The following PAFAH1B1 variants were observed in gnomAD, a reference collection of about 807,000 sequenced individuals.
The protein encoded by PAFAH1B1 is platelet-activating factor acetylhydrolase IB subunit beta.
PAFAH1B1 carries 2 observed loss-of-function variants against 57.5 expected under a neutral mutation model. The ratio of observed to expected loss-of-function variants is 0.03; its 90% CI spans 0.01 to 0.11. The LOEUF is 0.11. PAFAH1B1 is among the 10% of genes least tolerant of loss of function. The pLI is 1.00. For synonymous variants in PAFAH1B1, 152 were observed against 169.6 expected (o/e 0.90, Z 0.81); for missense variants, 257 against 512.0 (o/e 0.50, Z 4.81).
At chr17:2,662,423 T>TGA (rs1555525912) in intron 2 of PAFAH1B1, among the ~76,000 whole-genome samples, 50 of 144,076 alleles carry the variant, frequency 3.5e-4, no homozygotes, top group African/African-American at 1.1e-3. Flanking sequence ...TGTGTGTGTG[T>TGA]GACGGAGTTT....
chr17:2,640,595 G>C (rs1042782310), intron 2 of PAFAH1B1: 22 of 151,378 alleles, frequency 1.5e-4, no homozygotes, highest in African/African-American at 5.3e-4. Flanking sequence ...GGAATTACAG[G>C]CGCACACCAC....
chr17:2,651,527 GT>G (rs764660465), intron 2 of PAFAH1B1, among the ~76,000 whole-genome samples: 2 of 151,376 alleles, frequency 1.3e-5, no homozygotes, highest in Non-Finnish European at 2.9e-5. Context: ...AGAGGCTGCA[GT>G]GAGCCGAGCT....
chr17:2,658,520 T>G (rs1261943711), intron 2 of PAFAH1B1, among the ~76,000 whole-genome samples: 1 of 152,200 alleles, frequency 6.6e-6, no homozygotes, highest in African/African-American at 2.4e-5. Context: ...CATTTTTGGC[T>G]TTTGTTGCAA....
intron 4 of PAFAH1B1, 28 bp from the exon 5 acceptor site, chr17:2,666,963 CT>C (rs763540426): frequency 1.3e-6 from 2 of 1,512,254 alleles, no homozygotes; most frequent in South Asian, 2.3e-5. Flanking sequence ...TGAAATCTAT[CT>C]GTACGTAACT....
Position 2,648,586 on chromosome 17 carries a change from G to A in PAFAH1B1, c.32+10266G>A, listed in dbSNP as rs1157127198. Among the ~76,000 whole-genome samples, 5 of 151,652 alleles carry A rather than the reference G, an allele frequency of 3.3e-5. No individual in the cohort carries two copies. In the East Asian group the frequency reaches 9.7e-4, roughly 29 times the overall value. On this transcript the variant is annotated intron_variant, in intron 2 of 10. Transcript: ENST00000397195. Reference sequence around the variant, plus strand: ...CCAGCTAATTGGGAGGCTGAGGTGGGAGACTCTCATGAGCCCAGGGGGCAG... The same window carrying A: ...CCAGCTAATTGGGAGGCTGAGGTGGAAGACTCTCATGAGCCCAGGGGGCAG...
chr17:2,603,119 T>C (rs2151609644), intron 1 of PAFAH1B1, among the ~76,000 whole-genome samples: 1 of 152,348 alleles, frequency 6.6e-6, no homozygotes, highest in East Asian at 1.9e-4. Context: ...GAGCAACTTG[T>C]AGTATCTCAG....
In PAFAH1B1 at chr17:2,684,718, G is replaced by A. The variant is rs2151678512; in HGVS notation, c.*2916G>A. On this transcript the variant is annotated 3_prime_UTR_variant, in exon 11 of 11. Coordinates refer to ENST00000397195, the MANE Select transcript of PAFAH1B1 (RefSeq NM_000430.4). ...GTCCTGGTTCGTCTGTGTGTGGTGTGACCAATGGTGTGCCCAGAGCACTAC... is the reference window on the plus strand; with the variant it reads ...GTCCTGGTTCGTCTGTGTGTGGTGTAACCAATGGTGTGCCCAGAGCACTAC... The A allele has an allele frequency of 6.5e-6, 1 of 152,766 alleles. No homozygotes were observed. The highest frequency in any genetic ancestry group is 1.5e-5 in the Non-Finnish European group (1 of 68,054). The allele number at this position is 152,766 out of a possible 1,614,324, so 9.5% of individuals were successfully genotyped here. A position where few individuals can be genotyped will look rare whatever the true frequency, so the allele number is the denominator to read the frequency against.
At chr17:2,650,557 A>G (rs1409219258) in intron 2 of PAFAH1B1, among the ~76,000 whole-genome samples, 1 of 142,138 alleles carries the variant, frequency 7.0e-6, no homozygotes, top group Non-Finnish European at 1.5e-5. Context: ...CTTGGGACCT[A>G]CCTGGGAGGC....
chr17:2,663,790 CG>C (rs1370850608), intron 2 of PAFAH1B1, among the ~76,000 whole-genome samples: 1 of 151,836 alleles, frequency 6.6e-6, no homozygotes, highest in Non-Finnish European at 1.5e-5. Flanking sequence ...CTTTGCCTCC[CG>C]GGTTCAAGCA....
chr17:2,614,944 C>T (rs1458971880), intron 1 of PAFAH1B1, among the ~76,000 whole-genome samples: 1 of 152,132 alleles, frequency 6.6e-6, no homozygotes, highest in Non-Finnish European at 1.5e-5. Flanking sequence ...CATACGAAAA[C>T]AGTCAATGTT....
chr17:2,641,160 T>G (rs909185764), intron 2 of PAFAH1B1: 1 of 152,350 alleles, frequency 6.6e-6, no homozygotes, highest in Non-Finnish European at 1.5e-5. Context: ...TTGTTTTTGT[T>G]TTTTTGGGAG....
chr17:2,664,664 C>T lies in PAFAH1B1; in HGVS notation c.33-708C>T, dbSNP rs780539034. Among the ~76,000 whole-genome samples the T allele has an allele frequency of 2.5e-4, 26 of 105,048 alleles. No individual in the cohort carries two copies. The East Asian group carries it at 5.4e-3, about 22-fold the overall frequency. 68.9% of individuals were successfully genotyped at this position (105,048 alleles called of 152,430 possible). ...GTGATATATATCTATATCTATCTAT[C>T]GCTCTCTCTCTCTCTCTCTCTCTCT... On this transcript the variant is annotated intron_variant, in intron 2 of 10. Coordinates refer to ENST00000397195, the MANE Select transcript of PAFAH1B1 (RefSeq NM_000430.4).
chr17:2,680,140 T>G (rs373654713), intron 9 of PAFAH1B1, 24 bp from the exon 10 acceptor site: 3 of 1,611,740 alleles, frequency 1.9e-6, no homozygotes, highest in African/African-American at 1.3e-5. Context: ...TTTTACTGAG[T>G]CAAATAACTT....
At position 2,658,946 on chromosome 17, in the gene PAFAH1B1, T is replaced by C. The variant is rs60295726; in HGVS notation, c.33-6426T>C. 9.8e-3 allele frequency among the ~76,000 whole-genome samples: 1,486 copies of C among 152,160 alleles called. 24 individuals are homozygous for C. Among genetic ancestry groups the C allele is most frequent in the African/African-American group, 0.034 (1,396 of 41,528 alleles). On this transcript the variant is annotated intron_variant, in intron 2 of 10. Coordinates refer to ENST00000397195, the MANE Select transcript of PAFAH1B1 (RefSeq NM_000430.4). ...TTTCCCTGAAGAGTCAGTAGGGTAT[T>C]GTAGCATAAAAGTTTAGGAAGTCTT...
chr17:2,595,759 G>C (rs938743459), intron 1 of PAFAH1B1, among the ~76,000 whole-genome samples: 7 of 152,050 alleles, frequency 4.6e-5, no homozygotes, highest in African/African-American at 1.4e-4. Flanking sequence ...GAAATTGAAG[G>C]CTGGTATATA....
intron 9 of PAFAH1B1, chr17:2,679,803 A>G: frequency 3.5e-6 from 1 of 281,940 alleles, no homozygotes; most frequent in Non-Finnish European, 6.9e-6. Context: ...CTTTACCCCC[A>G]AGTATTTTAG....
chr17:2,646,956 G>C (rs1264299306), intron 2 of PAFAH1B1, among the ~76,000 whole-genome samples: 1 of 152,148 alleles, frequency 6.6e-6, no homozygotes, highest in Non-Finnish European at 1.5e-5. Flanking sequence ...GTGAGGCCAG[G>C]CATGGTGGCT....
intron 2 of PAFAH1B1, among the ~76,000 whole-genome samples, chr17:2,658,063 C>T (rs903306064): frequency 3.3e-5 from 5 of 152,168 alleles, no homozygotes; most frequent in African/African-American, 1.2e-4. Flanking sequence ...GTGGATCTCA[C>T]AGTTGTAAAT....
intron 2 of PAFAH1B1, among the ~76,000 whole-genome samples, chr17:2,645,795 G>A (rs963711740): frequency 2.7e-5 from 4 of 149,124 alleles, no homozygotes; most frequent in Admixed American, 6.7e-5. Flanking sequence ...TAGTAGAGAC[G>A]GGGTTTCATT....
Sources: allele counts gnomAD v4.1 joint callset (sites outside exome capture counted in the v4.1 genomes callset), GRCh38; gene constraint gnomAD v4.1.1; transcripts MANE v1.5; gene names NCBI Gene and HGNC (gene_info 2026-07-23, HGNC 2026-07-21).